MARCHF1: variants seen among roughly 807,000 people sequenced by gnomAD.
MARCHF1 encodes the protein membrane associated ring-CH-type finger 1, also known as E3 ubiquitin-protein ligase MARCHF1.
MARCHF1 carries 40 observed loss-of-function variants against 54.2 expected under a neutral mutation model. The ratio of observed to expected loss-of-function variants is 0.74; its 90% confidence interval spans 0.57 to 0.96. MARCHF1 has a LOEUF of 0.96. MARCHF1 is among the 40% of genes least tolerant of loss of function. The pLI, the probability that MARCHF1 is intolerant of heterozygous loss-of-function variation, is 0.00. For missense variants in MARCHF1, 586 were observed against 656.5 expected, an observed-to-expected ratio of 0.89 and a Z score of 1.17; for synonymous variants, 236 against 236.3, an observed-to-expected ratio of 1.00 and a Z score of 0.01.
At chr4:164,134,659 C>T (rs2110831388) in intron 1 of MARCHF1, among the ~76,000 whole-genome samples, 1 of 152,130 alleles carries the variant, frequency 6.6e-6, no homozygotes, top group Non-Finnish European at 1.5e-5. Context: ...ATAGACATGA[C>T]TGATAACATT....
intron 7 of MARCHF1, among the ~76,000 whole-genome samples, chr4:163,594,528 T>C (rs1740697153): frequency 6.8e-6 from 1 of 147,616 alleles, no homozygotes; most frequent in Non-Finnish European, 1.5e-5. Flanking sequence ...ACAAACTAAC[T>C]TTAATTGTAT....
intron 5 of MARCHF1, among the ~76,000 whole-genome samples, chr4:163,656,734 T>C (rs1202738603): frequency 6.6e-6 from 1 of 152,116 alleles, no homozygotes; most frequent in Non-Finnish European, 1.5e-5. Flanking sequence ...ATCCCCAGGA[T>C]GCAAGGCTGG....
intron 4 of MARCHF1, among the ~76,000 whole-genome samples, chr4:163,764,267 C>T (rs1746911757): frequency 6.6e-6 from 1 of 152,028 alleles, no homozygotes; most frequent in Admixed American, 6.6e-5. Context: ...ATGACCTCAA[C>T]ACTTCTTTTG....
intron 1 of MARCHF1, among the ~76,000 whole-genome samples, chr4:164,269,159 C>T (rs1486501190): frequency 2.6e-5 from 4 of 151,992 alleles, no homozygotes; most frequent in South Asian, 2.1e-4. Flanking sequence ...AAAGTGGAGC[C>T]GGGTCATGAA....
At chr4:164,377,779 A>C (rs1731239109) in intron 1 of MARCHF1, among the ~76,000 whole-genome samples, 1 of 152,244 alleles carries the variant, frequency 6.6e-6, no homozygotes, top group African/African-American at 2.4e-5. Context: ...TTTAAAAAAC[A>C]GACAAACAGT....
At chr4:163,951,439 A>G (rs1752132640) in intron 3 of MARCHF1, among the ~76,000 whole-genome samples, 1 of 152,206 alleles carries the variant, frequency 6.6e-6, no homozygotes, top group African/African-American at 2.4e-5. Flanking sequence ...CTGGTAGAGG[A>G]TACACAGGCA....
intron 8 of MARCHF1, among the ~76,000 whole-genome samples, chr4:163,551,023 G>A (rs1325612209): frequency 6.6e-6 from 1 of 152,134 alleles, no homozygotes; most frequent in Non-Finnish European, 1.5e-5. Context: ...AGAGTTGCAC[G>A]GTGACCTCCG....
chr4:164,199,091 TCAC>T (rs1384609374), intron 1 of MARCHF1, among the ~76,000 whole-genome samples: 1 of 152,194 alleles, frequency 6.6e-6, no homozygotes, highest in East Asian at 1.9e-4. Context: ...CTCAGATTGA[TCAC>T]ATGTTCCAAA....
intron 2 of MARCHF1, among the ~76,000 whole-genome samples, chr4:164,047,688 C>A (rs954132670): frequency 2.0e-5 from 3 of 152,242 alleles, no homozygotes; most frequent in South Asian, 4.1e-4. Flanking sequence ...TCAAGAAAGA[C>A]CCTTGTGTGT....
chr4:163,842,613 T>G (rs1183088365), intron 4 of MARCHF1, among the ~76,000 whole-genome samples: 2 of 152,140 alleles, frequency 1.3e-5, no homozygotes, highest in Non-Finnish European at 1.5e-5. Flanking sequence ...TTTGTACACT[T>G]CTTATAATGC....
intron 1 of MARCHF1, among the ~76,000 whole-genome samples, chr4:164,150,091 C>A (rs1455625007): frequency 1.3e-5 from 2 of 152,056 alleles, no homozygotes; most frequent in Admixed American, 1.3e-4. Flanking sequence ...AAATAAGCAA[C>A]TGTTAGGTTT....
At chr4:164,007,113 G>A (rs1487008747) in intron 2 of MARCHF1, among the ~76,000 whole-genome samples, 3 of 147,792 alleles carry the variant, frequency 2.0e-5, no homozygotes, top group South Asian at 2.1e-4. Context: ...TTGGGAGGCC[G>A]AGGCAGGCGG....
chr4:163,879,309 T>C (rs1750363190), intron 3 of MARCHF1, among the ~76,000 whole-genome samples: 1 of 152,196 alleles, frequency 6.6e-6, no homozygotes, highest in African/African-American at 2.4e-5. Flanking sequence ...GGCTGCCAAC[T>C]AGTATAGCTG....
At chr4:164,061,610 A>G (rs1754617115) in intron 2 of MARCHF1, among the ~76,000 whole-genome samples, 1 of 151,432 alleles carries the variant, frequency 6.6e-6, no homozygotes, top group East Asian at 1.9e-4. Context: ...GCAGCACACC[A>G]GCATGGCACA....
chr4:164,039,361 A>C (rs1462996101), intron 2 of MARCHF1, among the ~76,000 whole-genome samples: 1 of 152,218 alleles, frequency 6.6e-6, no homozygotes, highest in Non-Finnish European at 1.5e-5. Flanking sequence ...TTACACAGAA[A>C]GAACCTGGGT....
intron 3 of MARCHF1, among the ~76,000 whole-genome samples, chr4:163,880,233 C>T (rs1358664802): frequency 6.6e-6 from 1 of 150,916 alleles, no homozygotes; most frequent in Non-Finnish European, 1.5e-5. Flanking sequence ...CATTAGCAAC[C>T]AGATATAGAA....
chr4:163,600,201 C>A (rs1486867830), intron 7 of MARCHF1, among the ~76,000 whole-genome samples: 1 of 151,780 alleles, frequency 6.6e-6, no homozygotes, highest in Non-Finnish European at 1.5e-5. Context: ...TAAATTTATA[C>A]ACACATATTT....
intron 1 of MARCHF1, among the ~76,000 whole-genome samples, chr4:164,123,129 G>C (rs762677485): frequency 6.6e-6 from 1 of 152,056 alleles, no homozygotes; most frequent in East Asian, 1.9e-4. Context: ...GATACAAAAT[G>C]AACATAGAAA....
intron 7 of MARCHF1, among the ~76,000 whole-genome samples, chr4:163,597,452 C>T (rs1386890944): frequency 6.6e-6 from 1 of 152,130 alleles, no homozygotes; most frequent in Non-Finnish European, 1.5e-5. Flanking sequence ...GAAGTTTAAA[C>T]TCTGTCATTG....
Sources: gnomAD v4.1 joint callset for allele counts (sites outside exome capture counted in the v4.1 genomes callset) on GRCh38, gnomAD v4.1.1 for gene constraint, MANE v1.5 for transcripts, NCBI Gene and HGNC (gene_info 2026-07-23, HGNC 2026-07-21) for gene names.